The following CTXND2 variants were observed in gnomAD, a reference collection of about 807,000 sequenced individuals.
CTXND2 encodes cortexin domain containing 2.
intron 1 of CTXND2, among the ~76,000 whole-genome samples, chr1:150,907,203 A>G (rs1265583473): frequency 6.6e-6 from 1 of 152,222 alleles, no homozygotes; most frequent in East Asian, 1.9e-4. Flanking sequence ...TTCACATACA[A>G]TTCAACCATT....
At chr1:150,906,755 T>C (rs1251361512) in intron 1 of CTXND2, among the ~76,000 whole-genome samples, 2 of 152,118 alleles carry the variant, frequency 1.3e-5, no homozygotes, top group African/African-American at 4.8e-5. Flanking sequence ...GCCACTCCCC[T>C]TGAAGGACTT....
chr1:150,896,893 T>A (rs2102596236), intron 1 of CTXND2, among the ~76,000 whole-genome samples: 1 of 152,290 alleles, frequency 6.6e-6, no homozygotes, highest in African/African-American at 2.4e-5. Flanking sequence ...ATAGTGAATA[T>A]TACTGAAAGA....
intron 1 of CTXND2, among the ~76,000 whole-genome samples, chr1:150,899,125 TAAATAAAC>T (rs61404646): frequency 0.1 from 6,074 of 58,632 alleles, 325 homozygotes; most frequent in African/African-American, 0.27. Context: ...AATAAATAAA[TAAATAAAC>T]AAACAAACAA....
chr1:150,900,383 T>C (rs1444764704), intron 1 of CTXND2, among the ~76,000 whole-genome samples: 1 of 152,144 alleles, frequency 6.6e-6, no homozygotes, highest in Non-Finnish European at 1.5e-5. Flanking sequence ...CAGACGCATC[T>C]GAACACTGGA....
At chr1:150,906,930 C>G (rs962307177) in intron 1 of CTXND2, among the ~76,000 whole-genome samples, 4 of 152,282 alleles carry the variant, frequency 2.6e-5, no homozygotes, top group Admixed American at 1.3e-4. Context: ...AAACGCTACT[C>G]AAAAAACTAC....
At chr1:150,904,562 G>C (rs1571604078) in intron 1 of CTXND2, among the ~76,000 whole-genome samples, 1 of 152,244 alleles carries the variant, frequency 6.6e-6, no homozygotes, top group Non-Finnish European at 1.5e-5. Context: ...CTGGTTATGT[G>C]AATATATTTG....
rs137999917 is a variant in CTXND2 at position 150,900,081 on chromosome 1, C to G, written c.-73-12161C>G. 7.3e-3 allele frequency among the ~76,000 whole-genome samples: 1,116 copies of G among 152,284 alleles called. 10 individuals are homozygous for G. The highest frequency in any genetic ancestry group is 0.026 in the African/African-American group (1,061 of 41,556). On this transcript the variant is annotated intron_variant, in intron 1 of 1. Transcript: ENST00000636087. ...AATAAAAGCTGGCCGCCTGAGCCAG[C>G]AGCAGCAACCCGTTCGGGTCCCTTT...
intron 1 of CTXND2, among the ~76,000 whole-genome samples, chr1:150,899,982 A>G (rs1668973633): frequency 2.0e-5 from 3 of 152,102 alleles, no homozygotes; most frequent in Non-Finnish European, 4.4e-5. Flanking sequence ...ACCAATCAGC[A>G]CTCTGTAAAA....
intron 1 of CTXND2, among the ~76,000 whole-genome samples, chr1:150,910,291 A>T (rs912658102): frequency 1.3e-5 from 2 of 150,818 alleles, no homozygotes; most frequent in African/African-American, 4.9e-5. Flanking sequence ...TACCACACCC[A>T]GCTAATTTTT....
intron 1 of CTXND2, among the ~76,000 whole-genome samples, chr1:150,901,584 A>G (rs375923205): frequency 2.6e-5 from 4 of 152,214 alleles, no homozygotes; most frequent in Admixed American, 2.0e-4. Context: ...CTAGAAATGT[A>G]TCTGTGACCA....
chr1:150,894,455 A>C (rs1668888995), intron 1 of CTXND2, among the ~76,000 whole-genome samples: 1 of 152,332 alleles, frequency 6.6e-6, no homozygotes, highest in East Asian at 1.9e-4. Context: ...ACCTATTAAT[A>C]CTTGAGAAGA....
At chr1:150,887,875 T>TA (rs1262637185) in intron 1 of CTXND2, among the ~76,000 whole-genome samples, 1 of 149,886 alleles carries the variant, frequency 6.7e-6, no homozygotes, top group Non-Finnish European at 1.5e-5. Context: ...AAGGAAAAGG[T>TA]AATGGATCTT....
intron 1 of CTXND2, chr1:150,904,092 T>TG (rs1669093117): frequency 7.5e-6 from 5 of 664,434 alleles, no homozygotes; most frequent in Non-Finnish European, 1.1e-5. Context: ...GATACGCTGA[T>TG]GGAGTATTTG....
intron 1 of CTXND2, among the ~76,000 whole-genome samples, chr1:150,907,547 T>A (rs115257534): frequency 6.6e-6 from 1 of 152,326 alleles, no homozygotes; most frequent in African/African-American, 2.4e-5. Context: ...ACTTTGCTTA[T>A]CCATTTATAA....
At position 150,905,893 on chromosome 1, in the gene CTXND2, G is replaced by A. The variant is rs587696711; in HGVS notation, c.-73-6349G>A. Among the ~76,000 whole-genome samples the A allele has an allele frequency of 1.9e-3, 292 of 152,196 alleles. 3 individuals are homozygous for A. The highest frequency in any genetic ancestry group is 6.8e-3 in the African/African-American group (283 of 41,534). ...TAGTCCCAGCTGCTCGGGAGGCTGA[G>A]GCAGGAGAATGGCGTGAACCCGGGA... On this transcript the variant is annotated intron_variant, in intron 1 of 1. Transcript: ENST00000636087.
intron 1 of CTXND2, among the ~76,000 whole-genome samples, chr1:150,895,375 T>C (rs1267395807): frequency 2.0e-5 from 3 of 152,020 alleles, no homozygotes; most frequent in Admixed American, 2.0e-4. Flanking sequence ...ACGAAGTCTC[T>C]TTCTGTTGCC....
chr1:150,888,793 C>A (rs1405427956), intron 1 of CTXND2, among the ~76,000 whole-genome samples: 2 of 151,886 alleles, frequency 1.3e-5, no homozygotes, highest in Non-Finnish European at 1.5e-5. Flanking sequence ...TGGGCTCAAT[C>A]GATCCTCTCA....
exon 2 of CTXND2, chr1:150,912,414 C>T (rs1474649106): frequency 2.0e-5 from 8 of 398,384 alleles, no homozygotes; most frequent in Admixed American, 4.4e-5. Flanking sequence ...GATGATTTTT[C>T]GGTGTGCCAA....
chr1:150,899,091 C>T (rs587622434), intron 1 of CTXND2, among the ~76,000 whole-genome samples: 91 of 147,326 alleles, frequency 6.2e-4, no homozygotes, highest in Non-Finnish European at 8.8e-4. Flanking sequence ...GAGCAAGACT[C>T]CGTCTCAAAT....
Sources: allele counts gnomAD v4.1 joint callset (sites outside exome capture counted in the v4.1 genomes callset), GRCh38; gene constraint gnomAD v4.1.1; transcripts MANE v1.5; gene names NCBI Gene and HGNC (gene_info 2026-07-23, HGNC 2026-07-21).